Variants in FMN1 observed in about 807,000 individuals in gnomAD.
FMN1 encodes the protein formin-1.
In FMN1, 110 loss-of-function variants were observed where a neutral mutation model predicts 132.4. That is an observed-to-expected ratio of 0.83 (90% CI 0.71 to 0.97). FMN1 has a LOEUF of 0.97. Ranked by LOEUF, FMN1 falls within the 50% of genes least tolerant of loss-of-function variation. The probability of loss-of-function intolerance (pLI) is 0.00; values close to 1 mark genes in which losing one functional copy is unlikely to be tolerated. For missense variants in FMN1, 1,792 were observed against 1,705.3 expected (o/e 1.05, Z -0.90); for synonymous variants, 722 against 651.7 (o/e 1.11, Z -1.64).
chr15:32,783,743 TC>T (rs1567160186), intron 19 of FMN1, among the ~76,000 whole-genome samples: 10 of 32,492 alleles, frequency 3.1e-4, no homozygotes, highest in Non-Finnish European at 4.5e-4. Flanking sequence ...AGACTCTGTT[TC>T]AAAAAAAAAA....
chr15:32,890,517 T>C (rs919375253), intron 15 of FMN1, among the ~76,000 whole-genome samples: 1 of 152,216 alleles, frequency 6.6e-6, no homozygotes, highest in Admixed American at 6.5e-5. Flanking sequence ...TCCCTGATCA[T>C]TAGTGATGTT....
At chr15:32,949,803 G>T (rs2061585075) in intron 9 of FMN1, among the ~76,000 whole-genome samples, 2 of 150,492 alleles carry the variant, frequency 1.3e-5, no homozygotes, top group South Asian at 4.2e-4. Flanking sequence ...TGCAAACTAT[G>T]CATTTGACAA....
chr15:32,977,426 G>T (rs1053977753), intron 7 of FMN1, among the ~76,000 whole-genome samples: 12 of 152,174 alleles, frequency 7.9e-5, no homozygotes, highest in Admixed American at 7.9e-4. Flanking sequence ...AAAAGATATG[G>T]AATGATTAAG....
chr15:32,843,703 G>A (rs985256691), intron 17 of FMN1, among the ~76,000 whole-genome samples: 2 of 152,192 alleles, frequency 1.3e-5, no homozygotes, highest in Non-Finnish European at 2.9e-5. Flanking sequence ...TTATTTCAAT[G>A]AATAATTTGA....
intron 6 of FMN1, among the ~76,000 whole-genome samples, chr15:33,035,647 T>A (rs1366783396): frequency 6.6e-6 from 1 of 152,168 alleles, no homozygotes; most frequent in Non-Finnish European, 1.5e-5. Context: ...AACCATCCTA[T>A]TTAAAACTGC....
chr15:32,976,203 C>A lies in FMN1; in HGVS notation c.2224-6726G>T, dbSNP rs535531510. Among the ~76,000 whole-genome samples, 13 of 152,208 alleles carry A rather than the reference C, an allele frequency of 8.5e-5. No homozygotes were observed. In the South Asian group the frequency reaches 2.7e-3, roughly 32 times the overall value. ...CTCTTCCAAATTCTACATCCCTAGG[C>A]TGGGGAAAGCTAGGCAGTTCCTGGG... On this transcript the variant is annotated intron_variant, in intron 7 of 20. Transcript: ENST00000616417.
Position 32,785,046 on chromosome 15 carries a change from C to CCTTT in FMN1, c.4131-8131_4131-8128dup, listed in dbSNP as rs1274474576. Among the ~76,000 whole-genome samples the CCTTT allele has an allele frequency of 9.9e-5, 15 of 151,216 alleles. No individual in the cohort carries two copies. In the East Asian group the frequency reaches 2.9e-3, roughly 29 times the overall value. ...GGGGTTCATCTGCTCATCCTCGTTT[C>CCTTT]CTTTCTTTCCCATTCAACGTATCTG... On this transcript the variant is annotated intron_variant, in intron 19 of 20. Transcript: ENST00000616417.
At chr15:33,043,117 T>C (rs1019903892) in intron 6 of FMN1, among the ~76,000 whole-genome samples, 4 of 152,200 alleles carry the variant, frequency 2.6e-5, no homozygotes, top group African/African-American at 7.2e-5. Context: ...TTTGATCTCT[T>C]CCCTGGTTAG....
chr15:33,044,348 G>C (rs1332513973), intron 6 of FMN1, among the ~76,000 whole-genome samples: 1 of 152,224 alleles, frequency 6.6e-6, no homozygotes. Flanking sequence ...CCTGGAGGTT[G>C]GGCTGCCAGT....
chr15:32,927,441 T>C (rs2060989435), intron 9 of FMN1, among the ~76,000 whole-genome samples: 1 of 152,166 alleles, frequency 6.6e-6, no homozygotes, highest in Non-Finnish European at 1.5e-5. Flanking sequence ...TGATGTTTTG[T>C]AGAGGTGAGG....
At chr15:32,930,539 T>C (rs911964269) in intron 9 of FMN1, among the ~76,000 whole-genome samples, 4 of 152,184 alleles carry the variant, frequency 2.6e-5, no homozygotes, top group African/African-American at 9.7e-5. Flanking sequence ...GCCATTTGTA[T>C]ACCTTTTTTG....
intron 4 of FMN1, among the ~76,000 whole-genome samples, chr15:33,120,757 T>A (rs1431030489): frequency 6.6e-6 from 1 of 152,202 alleles, no homozygotes; most frequent in East Asian, 1.9e-4. Context: ...TTATTCTACC[T>A]ATTACCCTTT....
At chr15:32,882,259 G>A (rs554250693) in intron 16 of FMN1, among the ~76,000 whole-genome samples, 1 of 152,276 alleles carries the variant, frequency 6.6e-6, no homozygotes, top group African/African-American at 2.4e-5. Flanking sequence ...AACTGTAAAG[G>A]AACAAAGTAC....
chr15:33,001,107 A>T (rs1596444413), intron 7 of FMN1, among the ~76,000 whole-genome samples: 1 of 152,296 alleles, frequency 6.6e-6, no homozygotes, highest in East Asian at 1.9e-4. Context: ...ACATGGCCAA[A>T]CCCTGTCTCA....
At chr15:33,012,582 T>G in intron 6 of FMN1, 1 of 1,326,238 alleles carries the variant, frequency 7.5e-7, no homozygotes, top group Non-Finnish European at 1.1e-6. Context: ...TTGACAACCA[T>G]GACTCTGTGG....
intron 4 of FMN1, among the ~76,000 whole-genome samples, chr15:33,147,187 T>G (rs1017760361): frequency 6.9e-6 from 1 of 145,364 alleles, no homozygotes; most frequent in Admixed American, 6.8e-5. Flanking sequence ...AAAAAAGAAA[T>G]AAAACAAAAC....
intron 17 of FMN1, among the ~76,000 whole-genome samples, chr15:32,815,687 T>C (rs1056445058): frequency 7.2e-5 from 11 of 152,224 alleles, no homozygotes; most frequent in African/African-American, 2.2e-4. Flanking sequence ...TCACCAGCCA[T>C]AGCTACAACT....
In FMN1 at chr15:32,933,634, A is replaced by AT. The variant is rs199683148; in HGVS notation, c.3139-7374dup. 1.0e-3 allele frequency among the ~76,000 whole-genome samples: 156 copies of AT among 152,166 alleles called. 1 individual carries two copies. The East Asian group carries it at 0.02, about 19-fold the overall frequency. On this transcript the variant is annotated intron_variant, in intron 9 of 20. Transcript: ENST00000616417. ...AGTTCTGTAAAAATTTGCTTCATAT[A>AT]TTTGGCTTGTACGTTGGGTGCACAT...
At position 33,154,429 on chromosome 15, in the gene FMN1, A is replaced by T; in HGVS notation, c.486T>A (p.Ser162=). 6.5e-7 allele frequency: 1 copy of T among 1,536,076 alleles called. No individual in the cohort carries two copies. Among genetic ancestry groups the T allele is most frequent in the Non-Finnish European group, 8.7e-7 (1 of 1,146,892 alleles). Reference sequence around the variant, plus strand: ...CCCCAAAGCTCTCTCTCCTTCCACTAGACCTCCGAGGCTTTTTGTTCCCGT... The same window carrying T: ...CCCCAAAGCTCTCTCTCCTTCCACTTGACCTCCGAGGCTTTTTGTTCCCGT... The part of the protein sequence containing the change: ...STHGNKKPRR[S]SGRRESFGAL... The change falls in exon 4 of 21, where the codon TCT becomes TCA. Residue 162 remains serine (S), a synonymous_variant. Transcript: ENST00000616417.
Sources: gnomAD v4.1 joint callset for allele counts (sites outside exome capture counted in the v4.1 genomes callset) on GRCh38, gnomAD v4.1.1 for gene constraint, MANE v1.5 for transcripts, NCBI Gene and HGNC (gene_info 2026-07-23, HGNC 2026-07-21) for gene names.